The following POFUT3 variants were observed in gnomAD, a reference collection of about 807,000 sequenced individuals.
POFUT3 encodes the protein GDP-fucose protein O-fucosyltransferase 3.
the POFUT3 span, among the ~76,000 whole-genome samples, chr8:33,391,625 G>A: frequency 6.6e-6 from 1 of 152,120 alleles, no homozygotes; most frequent in Non-Finnish European, 1.5e-5. Flanking sequence ...CCAATGATAG[G>A]AACCAGAACC....
At chr8:33,397,720 C>T in the POFUT3 span, among the ~76,000 whole-genome samples, 1 of 152,168 alleles carries the variant, frequency 6.6e-6, no homozygotes, top group Admixed American at 6.5e-5. Context: ...AGATGTATCA[C>T]ACTCTGGTTA....
the POFUT3 span, among the ~76,000 whole-genome samples, chr8:33,469,663 A>G: frequency 2.6e-5 from 4 of 152,198 alleles, no homozygotes; most frequent in Non-Finnish European, 5.9e-5. Flanking sequence ...ATGCAGTGTT[A>G]ATAATACAAC....
At chr8:33,389,343 G>C in the POFUT3 span, 2 of 1,614,184 alleles carry the variant, frequency 1.2e-6, no homozygotes, top group Non-Finnish European at 1.7e-6. Flanking sequence ...TCAAAAGCTA[G>C]GATAAACTTA....
the POFUT3 span, chr8:33,453,028 C>A: frequency 2.1e-5 from 12 of 576,082 alleles, no homozygotes; most frequent in Non-Finnish European, 3.1e-5. Flanking sequence ...CCACCACGCC[C>A]GGCCAGGCTT....
chr8:33,324,657 AG>A, the POFUT3 span, among the ~76,000 whole-genome samples: 1 of 152,196 alleles, frequency 6.6e-6, no homozygotes, highest in South Asian at 2.1e-4. Flanking sequence ...CACTTTTAAA[AG>A]TCCCTGGAAC....
Sources: allele counts gnomAD v4.1 joint callset (sites outside exome capture counted in the v4.1 genomes callset), GRCh38; gene constraint gnomAD v4.1.1; transcripts MANE v1.5; gene names NCBI Gene and HGNC (gene_info 2026-07-23, HGNC 2026-07-21).